GPC6: variants seen among roughly 807,000 people sequenced by gnomAD.
GPC6 encodes the protein glypican-6.
A neutral mutation model predicts 55.2 loss-of-function variants in GPC6; 14 were observed. That is an observed-to-expected ratio of 0.25 (90% CI 0.17 to 0.40). The LOEUF (loss-of-function observed/expected upper bound fraction) is 0.40, where lower values mean the gene tolerates loss of function less well. GPC6 is among the 10% of genes least tolerant of loss of function. The pLI, the probability that GPC6 is intolerant of heterozygous loss-of-function variation, is 1.00. For synonymous variants in GPC6, 278 were observed against 259.6 expected (o/e 1.07, Z -0.68); for missense variants, 641 against 708.5 (o/e 0.90, Z 1.08).
At chr13:93,266,565 C>T (rs1396862530) in intron 1 of GPC6, among the ~76,000 whole-genome samples, 1 of 152,114 alleles carries the variant, frequency 6.6e-6, no homozygotes, top group Non-Finnish European at 1.5e-5. Flanking sequence ...ATTTAATTGC[C>T]TCCATACAGC....
intron 2 of GPC6, among the ~76,000 whole-genome samples, chr13:93,751,568 C>G (rs957930721): frequency 1.3e-4 from 20 of 152,100 alleles, no homozygotes; most frequent in Non-Finnish European, 2.1e-4. Context: ...GTCACCCAGG[C>G]TGAAGTGCAG....
At chr13:93,307,181 A>G (rs1166377177) in intron 1 of GPC6, among the ~76,000 whole-genome samples, 1 of 152,156 alleles carries the variant, frequency 6.6e-6, no homozygotes, top group Non-Finnish European at 1.5e-5. Flanking sequence ...TGACAGATAC[A>G]TATTTTTAAC....
chr13:93,719,856 A>G (rs1004791039), intron 2 of GPC6, among the ~76,000 whole-genome samples: 2 of 151,890 alleles, frequency 1.3e-5, no homozygotes, highest in Admixed American at 1.3e-4. Flanking sequence ...GGTTTTTGTC[A>G]TTGGTTCTGT....
intron 3 of GPC6, among the ~76,000 whole-genome samples, chr13:93,923,241 T>C (rs1877668697): frequency 6.6e-6 from 1 of 152,214 alleles, no homozygotes; most frequent in South Asian, 2.1e-4. Context: ...AGCATTATCA[T>C]TTGTAATACT....
intron 4 of GPC6, among the ~76,000 whole-genome samples, chr13:94,098,459 C>G (rs1316526982): frequency 1.3e-5 from 2 of 152,098 alleles, no homozygotes; most frequent in African/African-American, 4.8e-5. Flanking sequence ...GAATATTTGT[C>G]AAAATCAATA....
intron 6 of GPC6, among the ~76,000 whole-genome samples, chr13:94,307,256 CCTT>C (rs1449077728): frequency 6.6e-6 from 1 of 151,758 alleles, no homozygotes. Flanking sequence ...GCAAATAAAA[CCTT>C]CTCTCTAGTG....
At chr13:94,195,656 G>T (rs1428288299) in intron 4 of GPC6, among the ~76,000 whole-genome samples, 1 of 152,184 alleles carries the variant, frequency 6.6e-6, no homozygotes, top group African/African-American at 2.4e-5. Context: ...TGCAAATAAA[G>T]AACTCAGTGC....
At chr13:93,316,157 A>AT (rs1879241175) in intron 1 of GPC6, among the ~76,000 whole-genome samples, 1 of 152,054 alleles carries the variant, frequency 6.6e-6, no homozygotes, top group African/African-American at 2.4e-5. Flanking sequence ...TATCAGAATC[A>AT]TTTTTAACAA....
chr13:94,044,913 G>A lies in GPC6; in HGVS notation c.877+17019G>A, dbSNP rs969328773. On this transcript the variant is annotated intron_variant, in intron 4 of 8. Coordinates refer to ENST00000377047, the MANE Select transcript of GPC6 (RefSeq NM_005708.5). ...AATTAACACCTTTTTTTAACGTGCCGTATCATATAAAGGATTTTTTTAAAA... is the reference window on the plus strand; with the variant it reads ...AATTAACACCTTTTTTTAACGTGCCATATCATATAAAGGATTTTTTTAAAA... Among the ~76,000 whole-genome samples the A allele has an allele frequency of 1.3e-4, 20 of 151,400 alleles. No homozygotes were observed. The East Asian group carries it at 1.6e-3, about 12-fold the overall frequency.
intron 3 of GPC6, among the ~76,000 whole-genome samples, chr13:93,879,377 T>A (rs1444982404): frequency 3.9e-5 from 6 of 152,008 alleles, no homozygotes; most frequent in Non-Finnish European, 7.4e-5. Flanking sequence ...TATAGATCAA[T>A]GGAACAGAAC....
At chr13:94,000,516 A>C (rs769034243) in intron 3 of GPC6, among the ~76,000 whole-genome samples, 6 of 152,150 alleles carry the variant, frequency 3.9e-5, no homozygotes, top group Non-Finnish European at 7.4e-5. Context: ...CATCTTCTAT[A>C]GCTTCTCTAT....
intron 3 of GPC6, among the ~76,000 whole-genome samples, chr13:93,982,446 T>C (rs1365780634): frequency 3.3e-5 from 5 of 152,160 alleles, no homozygotes; most frequent in Non-Finnish European, 7.4e-5. Context: ...TCACAGAAGA[T>C]TACTAGTTGA....
chr13:93,946,237 C>G (rs1178610265), intron 3 of GPC6, among the ~76,000 whole-genome samples: 3 of 152,284 alleles, frequency 2.0e-5, no homozygotes, highest in Admixed American at 6.5e-5. Flanking sequence ...CAGACAACCT[C>G]AAAAACATAG....
At chr13:93,851,231 G>C (rs569631934) in intron 3 of GPC6, among the ~76,000 whole-genome samples, 3 of 151,982 alleles carry the variant, frequency 2.0e-5, no homozygotes, top group Non-Finnish European at 4.4e-5. Context: ...GGCAGAGCCA[G>C]ACATCTAAAT....
At chr13:93,388,567 A>ATTTTT in intron 1 of GPC6, among the ~76,000 whole-genome samples, 1 of 152,304 alleles carries the variant, frequency 6.6e-6, no homozygotes, top group East Asian at 1.9e-4. Context: ...AGCTGAATAG[A>ATTTTT]GTAGCTTTCT....
At chr13:94,058,576 C>T (rs972816961) in intron 4 of GPC6, among the ~76,000 whole-genome samples, 6 of 152,084 alleles carry the variant, frequency 3.9e-5, no homozygotes, top group Non-Finnish European at 8.8e-5. Context: ...CAAGTTTGGA[C>T]GAACTACATT....
intron 3 of GPC6, among the ~76,000 whole-genome samples, chr13:93,868,155 C>A (rs1360028165): frequency 6.6e-6 from 1 of 151,598 alleles, no homozygotes; most frequent in Non-Finnish European, 1.5e-5. Context: ...TGGGTTAGAC[C>A]ACAATGCTTC....
chr13:93,272,519 T>TATATATAA (rs1009350440), intron 1 of GPC6, among the ~76,000 whole-genome samples: 3 of 144,710 alleles, frequency 2.1e-5, no homozygotes, highest in Non-Finnish European at 3.0e-5. Flanking sequence ...TATATATATA[T>TATATATAA]AACTTAGAAA....
intron 4 of GPC6, among the ~76,000 whole-genome samples, chr13:94,072,995 T>C (rs1364212501): frequency 1.3e-5 from 2 of 152,180 alleles, no homozygotes; most frequent in Non-Finnish European, 2.9e-5. Context: ...GAAAGAATAC[T>C]GGGCCCCATT....
Sources: allele counts gnomAD v4.1 joint callset (sites outside exome capture counted in the v4.1 genomes callset), GRCh38; gene constraint gnomAD v4.1.1; transcripts MANE v1.5; gene names NCBI Gene and HGNC (gene_info 2026-07-23, HGNC 2026-07-21).